MACROD1: variants seen among roughly 807,000 people sequenced by gnomAD.
MACROD1 encodes ADP-ribose glycohydrolase MACROD1.
MACROD1 carries 31 observed loss-of-function variants against 41.4 expected under a neutral mutation model. That is an observed-to-expected ratio of 0.75 (90% CI 0.56 to 1.01). The LOEUF is 1.01. Among genes scored for constraint, MACROD1 ranks in the 50% least tolerant of loss-of-function variants. The pLI is 0.00. For synonymous variants in MACROD1, 252 were observed against 203.4 expected (o/e 1.24, Z -2.03); for missense variants, 473 against 460.0 (o/e 1.03, Z -0.26).
At chr11:64,043,703 C>T (rs1943531703) in intron 3 of MACROD1, among the ~76,000 whole-genome samples, 1 of 152,130 alleles carries the variant, frequency 6.6e-6, no homozygotes, top group South Asian at 2.1e-4. Context: ...AAGGACTCTA[C>T]CTTGCAGAAT....
intron 3 of MACROD1, among the ~76,000 whole-genome samples, chr11:64,132,668 C>T (rs1277769489): frequency 6.6e-6 from 1 of 152,196 alleles, no homozygotes; most frequent in Non-Finnish European, 1.5e-5. Flanking sequence ...TTGGCACAGT[C>T]CAGGCTGTGT....
chr11:64,093,584 G>A (rs1944527639), intron 3 of MACROD1, among the ~76,000 whole-genome samples: 1 of 152,222 alleles, frequency 6.6e-6, no homozygotes, highest in Non-Finnish European at 1.5e-5. Flanking sequence ...TTCCCTCCCA[G>A]TCCTTCCAGT....
chr11:64,079,652 G>A (rs974403794), intron 3 of MACROD1, among the ~76,000 whole-genome samples: 1 of 152,188 alleles, frequency 6.6e-6, no homozygotes, highest in Non-Finnish European at 1.5e-5. Flanking sequence ...CTCACTCAAA[G>A]CCTGTGGGAG....
chr11:64,159,889 T>C (rs1945728204), intron 1 of MACROD1, among the ~76,000 whole-genome samples: 1 of 152,098 alleles, frequency 6.6e-6, no homozygotes, highest in African/African-American at 2.4e-5. Context: ...CCCAAAAGAC[T>C]GAAAGTCTCC....
intron 3 of MACROD1, among the ~76,000 whole-genome samples, chr11:64,060,214 C>T (rs892044817): frequency 6.6e-6 from 1 of 152,284 alleles, no homozygotes; most frequent in African/African-American, 2.4e-5. Context: ...GCCAGGCCCA[C>T]ATTTCAAGCG....
intron 3 of MACROD1, among the ~76,000 whole-genome samples, chr11:64,136,370 T>C (rs1385988639): frequency 6.6e-6 from 1 of 152,228 alleles, no homozygotes; most frequent in African/African-American, 2.4e-5. Context: ...CTCTATAGCA[T>C]AGCTTCCCAA....
At chr11:64,101,520 G>A (rs546580208) in intron 3 of MACROD1, among the ~76,000 whole-genome samples, 7 of 152,288 alleles carry the variant, frequency 4.6e-5, no homozygotes, top group African/African-American at 1.7e-4. Flanking sequence ...GCCAAGGCCC[G>A]CTGCCCCTGC....
intron 3 of MACROD1, among the ~76,000 whole-genome samples, chr11:64,050,731 G>C (rs1000875070): frequency 6.6e-6 from 1 of 152,202 alleles, no homozygotes; most frequent in Admixed American, 6.5e-5. Flanking sequence ...CGATTCTCCT[G>C]CCTCAGCCTC....
intron 3 of MACROD1, among the ~76,000 whole-genome samples, chr11:64,140,473 G>C (rs1437104126): frequency 2.0e-5 from 3 of 152,220 alleles, no homozygotes; most frequent in Non-Finnish European, 4.4e-5. Flanking sequence ...CCTTCAGCCT[G>C]TTCAGGATAG....
chr11:64,037,815 T>G (rs944524194), intron 3 of MACROD1, among the ~76,000 whole-genome samples: 2 of 152,242 alleles, frequency 1.3e-5, no homozygotes, highest in African/African-American at 4.8e-5. Context: ...GCATCCGCAC[T>G]CTACCATTTA....
At chr11:64,045,934 A>G (rs1943576478) in intron 3 of MACROD1, among the ~76,000 whole-genome samples, 1 of 152,196 alleles carries the variant, frequency 6.6e-6, no homozygotes, top group African/African-American at 2.4e-5. Context: ...AAACAATAAC[A>G]GCAGTGACAC....
intron 3 of MACROD1, among the ~76,000 whole-genome samples, chr11:64,049,577 T>C (rs977001411): frequency 6.6e-6 from 1 of 152,226 alleles, no homozygotes. Flanking sequence ...TTCTATTGGC[T>C]TCCTGTCCTG....
intron 4 of MACROD1, among the ~76,000 whole-genome samples, chr11:64,009,803 C>T (rs1942972072): frequency 6.6e-6 from 1 of 152,228 alleles, no homozygotes; most frequent in African/African-American, 2.4e-5. Flanking sequence ...AGACTGCAGC[C>T]CTCTTCTGCT....
intron 8 of MACROD1, 144 bp downstream of exon 8, chr11:63,999,187 G>T (rs1179810298): frequency 1.5e-6 from 2 of 1,344,732 alleles, no homozygotes; most frequent in Non-Finnish European, 2.0e-6. Context: ...TCTCGCCACC[G>T]CCAGGCGCCC....
chr11:64,050,735 C>T (rs1943677780), intron 3 of MACROD1, among the ~76,000 whole-genome samples: 2 of 152,240 alleles, frequency 1.3e-5, no homozygotes, highest in Admixed American at 1.3e-4. Context: ...TCTCCTGCCT[C>T]AGCCTCCTGA....
intron 3 of MACROD1, among the ~76,000 whole-genome samples, chr11:64,070,525 C>CATT (rs1944087683): frequency 6.6e-6 from 1 of 152,170 alleles, no homozygotes; most frequent in Non-Finnish European, 1.5e-5. Context: ...GGGAAGGCTG[C>CATT]CCGAGAGCAG....
chr11:64,126,301 C>G (rs151318866), intron 3 of MACROD1, among the ~76,000 whole-genome samples: 4 of 152,136 alleles, frequency 2.6e-5, no homozygotes, highest in African/African-American at 9.7e-5. Context: ...GGAAGCCACA[C>G]GGCCCAGCGC....
chr11:64,092,286 G>A (rs1944504442), intron 3 of MACROD1, among the ~76,000 whole-genome samples: 2 of 152,236 alleles, frequency 1.3e-5, no homozygotes, highest in African/African-American at 4.8e-5. Flanking sequence ...CATATGGGGA[G>A]AATTAGTATT....
At chr11:64,006,295 C>T (rs138556920) in intron 4 of MACROD1, among the ~76,000 whole-genome samples, 1 of 152,336 alleles carries the variant, frequency 6.6e-6, no homozygotes, top group East Asian at 1.9e-4. Flanking sequence ...ATTGCCGGAA[C>T]CATCTTTGCT....
Sources: gnomAD v4.1 joint callset for allele counts (sites outside exome capture counted in the v4.1 genomes callset) on GRCh38, gnomAD v4.1.1 for gene constraint, MANE v1.5 for transcripts, NCBI Gene and HGNC (gene_info 2026-07-23, HGNC 2026-07-21) for gene names.